Variants in PPARGC1B observed in about 807,000 individuals in gnomAD.
PPARGC1B encodes peroxisome proliferator-activated receptor gamma coactivator 1-beta.
Under a neutral mutation model 101.6 loss-of-function variants are expected in PPARGC1B, and 34 were observed. That is an observed-to-expected ratio of 0.33 (90% CI 0.25 to 0.45). The LOEUF is 0.45. Ranked by LOEUF, PPARGC1B falls within the 20% of genes least tolerant of loss-of-function variation. The pLI is 1.00. For missense variants in PPARGC1B, 1,234 were observed against 1,317.6 expected, an observed-to-expected ratio of 0.94 and a Z score of 0.98; for synonymous variants, 548 against 539.3, an observed-to-expected ratio of 1.02 and a Z score of -0.22.
At chr5:149,744,058 C>T (rs1165255312) in intron 1 of PPARGC1B, among the ~76,000 whole-genome samples, 1 of 152,188 alleles carries the variant, frequency 6.6e-6, no homozygotes, top group Admixed American at 6.5e-5. Context: ...AGGCAGGCTG[C>T]CTGCACTCAT....
At chr5:149,806,035 T>G (rs919699476) in intron 1 of PPARGC1B, among the ~76,000 whole-genome samples, 1 of 152,120 alleles carries the variant, frequency 6.6e-6, no homozygotes, top group Admixed American at 6.5e-5. Flanking sequence ...CCTGGTCATG[T>G]GTTGGCTGAC....
intron 1 of PPARGC1B, among the ~76,000 whole-genome samples, chr5:149,759,575 T>A (rs960017279): frequency 1.3e-5 from 2 of 152,202 alleles, no homozygotes; most frequent in Admixed American, 1.3e-4. Flanking sequence ...TTGACCCAAG[T>A]TGGACTTGGG....
At chr5:149,767,202 C>T (rs79364736) in intron 1 of PPARGC1B, among the ~76,000 whole-genome samples, 2,395 of 152,234 alleles carry the variant, frequency 0.016, 79 homozygotes, top group African/African-American at 0.055. Context: ...TTGGGGTGTT[C>T]GGTTCACAGT....
Position 149,845,752 on chromosome 5 carries a change from C to A in PPARGC1B, c.2817-8C>A. On this transcript the variant is annotated splice_polypyrimidine_tract_variant and splice_region_variant and intron_variant, in intron 10 of 11. Coordinates refer to ENST00000309241, the MANE Select transcript of PPARGC1B (RefSeq NM_133263.4). ...CAATAACATACTCTCCTTGCTCCCT[C>A]CCCGCAGAGGCGAGAAGTACGGCTT... 1 of 1,601,276 alleles carries A rather than the reference C, an allele frequency of 6.2e-7. No homozygotes were observed.
chr5:149,777,685 T>G (rs1756416971), intron 1 of PPARGC1B, among the ~76,000 whole-genome samples: 1 of 151,914 alleles, frequency 6.6e-6, no homozygotes, highest in South Asian at 2.1e-4. Context: ...ACATCTTGCC[T>G]TCTTTGGTCC....
At chr5:149,765,363 G>A (rs1045097410) in intron 1 of PPARGC1B, among the ~76,000 whole-genome samples, 1 of 152,212 alleles carries the variant, frequency 6.6e-6, no homozygotes, top group South Asian at 2.1e-4. Context: ...GGCCTAGCCC[G>A]ATGGAGCAGA....
At chr5:149,791,290 T>G (rs1371514452) in intron 1 of PPARGC1B, among the ~76,000 whole-genome samples, 43 of 107,614 alleles carry the variant, frequency 4.0e-4, no homozygotes, top group Admixed American at 6.2e-4. Context: ...AGACTCCATC[T>G]CAAAAAAAAA....
chr5:149,755,052 C>CATATATAT (rs1199839991), intron 1 of PPARGC1B, among the ~76,000 whole-genome samples: 1,245 of 108,892 alleles, frequency 0.011, 35 homozygotes, highest in African/African-American at 0.033. Context: ...TATACATATA[C>CATATATAT]ATATATATAT....
rs1389479926 is a variant in PPARGC1B, at chr5:149,847,888, T to G, written c.*330T>G. 1 of 347,366 alleles carries G rather than the reference T, an allele frequency of 2.9e-6. No individual in the cohort carries two copies. Among genetic ancestry groups the G allele is most frequent in the Admixed American group, 4.3e-5 (1 of 23,064 alleles). The allele number at this position is 347,366 out of a possible 1,614,324, so 21.5% of individuals were successfully genotyped here. A position where few individuals can be genotyped will look rare whatever the true frequency, so the allele number is the denominator to read the frequency against. ...TCCCGACTGACTTCCTCTCGTAGAC[T>G]TGCAGCTGTGTTCACCATAACATTT... is the stretch of plus-strand genomic sequence containing the variant. On this transcript the variant is annotated 3_prime_UTR_variant, in exon 12 of 12. Transcript: ENST00000309241.
intron 1 of PPARGC1B, among the ~76,000 whole-genome samples, chr5:149,803,623 C>T (rs2113298359): frequency 6.6e-6 from 1 of 152,330 alleles, no homozygotes; most frequent in South Asian, 2.1e-4. Context: ...AATCAAGCAT[C>T]TGATTTTCCC....
chr5:149,842,884 T>C (rs955156278), intron 10 of PPARGC1B, among the ~76,000 whole-genome samples: 2 of 152,286 alleles, frequency 1.3e-5, no homozygotes, highest in African/African-American at 4.8e-5. Context: ...GTCCCAGGCC[T>C]TGGTTGGGTA....
rs747938694 is a variant in PPARGC1B, at chr5:149,832,168, G to A, written c.583-488G>A. On this transcript the variant is annotated intron_variant, in intron 4 of 11. Coordinates refer to ENST00000309241, the MANE Select transcript of PPARGC1B (RefSeq NM_133263.4). The surrounding 1 kb of genome is among the most constrained non-coding windows in gnomAD (Gnocchi z 4.9). ...CTAAAAAATACAAAAAATTAGCCGG[G>A]TGTGGTGATGCACGCCTGTAATCCC... 1.1e-4 allele frequency among the ~76,000 whole-genome samples: 17 copies of A among 152,072 alleles called. No homozygotes were observed. Among genetic ancestry groups the A allele is most frequent in the African/African-American group, 1.7e-4 (7 of 41,404 alleles).
intron 1 of PPARGC1B, among the ~76,000 whole-genome samples, chr5:149,744,548 A>G (rs1755022586): frequency 6.6e-6 from 1 of 152,224 alleles, no homozygotes; most frequent in Non-Finnish European, 1.5e-5. Context: ...TCTCCGAGAA[A>G]GCAAGAAAGT....
At chr5:149,758,665 G>A (rs2012547) in intron 1 of PPARGC1B, among the ~76,000 whole-genome samples, 67,824 of 151,984 alleles carry the variant, frequency 0.45, 15,476 homozygotes, top group South Asian at 0.53. Flanking sequence ...TCATCACCAC[G>A]GGGATTCCAA....
chr5:149,756,095 G>T (rs1263474170), intron 1 of PPARGC1B, among the ~76,000 whole-genome samples: 1 of 152,196 alleles, frequency 6.6e-6, no homozygotes, highest in Non-Finnish European at 1.5e-5. Flanking sequence ...TCTATACAGG[G>T]TGGATTTGAA....
At chr5:149,744,333 A>C (rs1032886277) in intron 1 of PPARGC1B, among the ~76,000 whole-genome samples, 5 of 152,206 alleles carry the variant, frequency 3.3e-5, no homozygotes, top group Non-Finnish European at 7.3e-5. Flanking sequence ...GTGTGTGCCT[A>C]TGTAGGCATG....
At chr5:149,764,814 T>C (rs1755842616) in intron 1 of PPARGC1B, among the ~76,000 whole-genome samples, 1 of 152,262 alleles carries the variant, frequency 6.6e-6, no homozygotes, top group Non-Finnish European at 1.5e-5. Flanking sequence ...AAAGATATGG[T>C]AACTATAGGA....
At chr5:149,810,974 CCTT>C (rs1035908761) in intron 1 of PPARGC1B, among the ~76,000 whole-genome samples, 8 of 152,214 alleles carry the variant, frequency 5.3e-5, no homozygotes, top group Admixed American at 3.9e-4. Context: ...GCAGTAGTCA[CCTT>C]CTTATCTAAT....
intron 1 of PPARGC1B, among the ~76,000 whole-genome samples, chr5:149,746,644 G>A (rs1755104549): frequency 6.6e-6 from 1 of 152,150 alleles, no homozygotes; most frequent in Admixed American, 6.5e-5. Flanking sequence ...TTATATGGTA[G>A]TTCTATTGTT....
Sources: gnomAD v4.1 joint callset for allele counts (sites outside exome capture counted in the v4.1 genomes callset) on GRCh38, gnomAD v4.1.1 for gene constraint, Gnocchi (gnomAD v3.1) non-coding constraint, MANE v1.5 for transcripts, NCBI Gene and HGNC (gene_info 2026-07-23, HGNC 2026-07-21) for gene names.